The following LGSN variants were observed in gnomAD, a reference collection of about 807,000 sequenced individuals.
The protein encoded by LGSN is lengsin, lens protein with glutamine synthetase domain.
In LGSN, 21 loss-of-function variants were observed where a neutral mutation model predicts 19.5. The observed-to-expected ratio is 1.07, with a 90% confidence interval of 0.76 to 1.55. LGSN has a LOEUF of 1.55. Among genes scored for constraint, LGSN ranks in the 40% most tolerant of loss-of-function variants. The pLI, the probability that LGSN is intolerant of heterozygous loss-of-function variation, is 0.00. For synonymous variants in LGSN, 257 were observed against 215.6 expected, an observed-to-expected ratio of 1.19 and a Z score of -1.68; for missense variants, 673 against 608.5, an observed-to-expected ratio of 1.11 and a Z score of -1.12.
chr6:63,293,704 T>C (rs1562009868), intron 2 of LGSN: 1 of 456,068 alleles, frequency 2.2e-6, no homozygotes, highest in Non-Finnish European at 4.4e-6. Context: ...GGAACATTGG[T>C]TGTTGTTCTG....
the LGSN span, among the ~76,000 whole-genome samples, chr6:63,361,005 G>C: frequency 1.3e-5 from 2 of 152,112 alleles, no homozygotes; most frequent in Admixed American, 6.5e-5. Context: ...CTGCCTGATC[G>C]TTCCTCTGGA....
At chr6:63,557,034 T>A in the LGSN span, among the ~76,000 whole-genome samples, 1 of 152,238 alleles carries the variant, frequency 6.6e-6, no homozygotes, top group Non-Finnish European at 1.5e-5. Flanking sequence ...GCATGAAATA[T>A]GCTAGTTTCT....
At chr6:63,425,069 G>A in the LGSN span, among the ~76,000 whole-genome samples, 2,190 of 152,276 alleles carry the variant, frequency 0.014, 31 homozygotes, top group Non-Finnish European at 0.02. Flanking sequence ...AAAGCACAAT[G>A]AGATATCACT....
chr6:63,474,647 C>T, the LGSN span, among the ~76,000 whole-genome samples: 10 of 150,444 alleles, frequency 6.6e-5, no homozygotes, highest in Non-Finnish European at 1.2e-4. Flanking sequence ...TTAGGCTGGG[C>T]GCTGTGGCTC....
the LGSN span, among the ~76,000 whole-genome samples, chr6:63,507,819 T>C: frequency 2.6e-5 from 4 of 152,220 alleles, no homozygotes; most frequent in Non-Finnish European, 4.4e-5. Flanking sequence ...AGGTTGATGG[T>C]AGTTCTGTCA....
chr6:63,567,746 G>C, the LGSN span, among the ~76,000 whole-genome samples: 3 of 152,148 alleles, frequency 2.0e-5, no homozygotes, highest in Admixed American at 2.0e-4. Flanking sequence ...TGAAAGTCTT[G>C]GACAGCATCT....
chr6:63,528,854 C>T, the LGSN span, among the ~76,000 whole-genome samples: 1 of 151,874 alleles, frequency 6.6e-6, no homozygotes, highest in African/African-American at 2.4e-5. Context: ...TTTGGGAGGC[C>T]GAGGCCGGTG....
At chr6:63,513,706 T>C in the LGSN span, among the ~76,000 whole-genome samples, 2 of 151,916 alleles carry the variant, frequency 1.3e-5, no homozygotes, top group Admixed American at 6.6e-5. Flanking sequence ...AGGTCAGGAA[T>C]TGGAGACCAG....
At chr6:63,311,487 C>A (rs950614706) in intron 1 of LGSN, among the ~76,000 whole-genome samples, 1 of 152,172 alleles carries the variant, frequency 6.6e-6, no homozygotes, top group Non-Finnish European at 1.5e-5. Flanking sequence ...CCATTTCAAA[C>A]TGCTGATTTA....
chr6:63,308,255 C>T (rs546932269), intron 1 of LGSN, among the ~76,000 whole-genome samples: 2 of 152,236 alleles, frequency 1.3e-5, no homozygotes, highest in African/African-American at 4.8e-5. Flanking sequence ...ACTATCGTTT[C>T]GTCAGATGGC....
chr6:63,453,099 A>G, the LGSN span, among the ~76,000 whole-genome samples: 1 of 152,046 alleles, frequency 6.6e-6, no homozygotes, highest in Non-Finnish European at 1.5e-5. Context: ...GAGATTTTTA[A>G]TATATCTTTC....
At chr6:63,365,681 A>G in the LGSN span, among the ~76,000 whole-genome samples, 5 of 152,232 alleles carry the variant, frequency 3.3e-5, no homozygotes, top group Admixed American at 6.5e-5. Context: ...CAATGCAAAA[A>G]TCCTCAATAA....
the LGSN span, among the ~76,000 whole-genome samples, chr6:63,381,464 C>T: frequency 6.6e-6 from 1 of 152,332 alleles, no homozygotes; most frequent in South Asian, 2.1e-4. Context: ...AAACTGCCTT[C>T]TTCTATAGAC....
intron 2 of LGSN, among the ~76,000 whole-genome samples, chr6:63,289,266 T>C (rs1767672743): frequency 1.3e-5 from 2 of 152,246 alleles, no homozygotes; most frequent in African/African-American, 4.8e-5. Flanking sequence ...GTACATATCC[T>C]AAGCATCGAT....
the LGSN span, among the ~76,000 whole-genome samples, chr6:63,345,666 T>C: frequency 1.3e-5 from 2 of 152,192 alleles, no homozygotes; most frequent in Non-Finnish European, 2.9e-5. Context: ...GTCATGCCCC[T>C]CACTTTAAGA....
chr6:63,529,517 C>T, the LGSN span, among the ~76,000 whole-genome samples: 1 of 152,148 alleles, frequency 6.6e-6, no homozygotes, highest in Non-Finnish European at 1.5e-5. Context: ...TTCTAACAAC[C>T]TAGCCTTCCT....
the LGSN span, among the ~76,000 whole-genome samples, chr6:63,359,805 T>C: frequency 2.6e-5 from 4 of 152,230 alleles, no homozygotes; most frequent in Non-Finnish European, 5.9e-5. Flanking sequence ...CATTGATTTT[T>C]TGAAGGGCTT....
At chr6:63,502,213 T>G in the LGSN span, among the ~76,000 whole-genome samples, 1 of 152,216 alleles carries the variant, frequency 6.6e-6, no homozygotes, top group Non-Finnish European at 1.5e-5. Flanking sequence ...ACTTTGGAAA[T>G]ACTTCAGAAC....
the LGSN span, among the ~76,000 whole-genome samples, chr6:63,508,920 A>C: frequency 1.0e-5 from 1 of 97,488 alleles, no homozygotes; most frequent in Admixed American, 1.0e-4. Context: ...ACTCTGTCTC[A>C]AAAAAGAAAA....
Sources: allele counts gnomAD v4.1 joint callset (sites outside exome capture counted in the v4.1 genomes callset), GRCh38; gene constraint gnomAD v4.1.1; transcripts MANE v1.5; gene names NCBI Gene and HGNC (gene_info 2026-07-23, HGNC 2026-07-21).